Variants in NHSL1 observed in about 807,000 individuals in gnomAD.
The protein encoded by NHSL1 is NHS like 1.
NHSL1 carries 48 observed loss-of-function variants against 95.0 expected under a neutral mutation model. That is an observed-to-expected ratio of 0.51 (90% CI 0.40 to 0.64). The LOEUF (loss-of-function observed/expected upper bound fraction) is 0.64. NHSL1 is among the 30% of genes least tolerant of loss of function. The pLI is 0.00. For synonymous variants in NHSL1, 783 were observed against 833.9 expected, an observed-to-expected ratio of 0.94 and a Z score of 1.05; for missense variants, 1,971 against 2,077.7, an observed-to-expected ratio of 0.95 and a Z score of 1.00.
At chr6:138,504,018 G>A (rs1429071675), upstream of NHSL1, among the ~76,000 whole-genome samples, 1 of 151,944 alleles carries the variant, frequency 6.6e-6, no homozygotes, top group East Asian at 1.9e-4. Flanking sequence ...ACTGCTTGAG[G>A]CCAGGTGTTC....
At chr6:138,640,909 A>G (rs1163650171) in intron 1 of NHSL1, among the ~76,000 whole-genome samples, 1 of 152,182 alleles carries the variant, frequency 6.6e-6, no homozygotes, top group Non-Finnish European at 1.5e-5. Flanking sequence ...ACATACACAA[A>G]TTGTCAGCTT....
chr6:138,542,782 G>A (rs1361592434), intron 1 of NHSL1, among the ~76,000 whole-genome samples: 4 of 151,348 alleles, frequency 2.6e-5, no homozygotes, highest in South Asian at 2.1e-4. Context: ...CATTTTTTTC[G>A]AGACAGGGTC....
chr6:138,623,413 A>G (rs1784692575), intron 1 of NHSL1, among the ~76,000 whole-genome samples: 1 of 152,160 alleles, frequency 6.6e-6, no homozygotes, highest in South Asian at 2.1e-4. Flanking sequence ...TTAATTCATA[A>G]AAGTTATATA....
intron 2 of NHSL1, among the ~76,000 whole-genome samples, chr6:138,478,229 C>A (rs1779209377): frequency 6.6e-6 from 1 of 151,808 alleles, no homozygotes; most frequent in African/African-American, 2.4e-5. Context: ...GATCTGCCTG[C>A]CTTGGCCTCC....
upstream of NHSL1, chr6:138,499,503 C>G: frequency 9.2e-7 from 1 of 1,083,182 alleles, no homozygotes; most frequent in Non-Finnish European, 1.2e-6. Flanking sequence ...CTGAAAAACT[C>G]CTACTGAAAC....
At chr6:138,599,521 C>A (rs1004686784) in intron 1 of NHSL1, among the ~76,000 whole-genome samples, 4 of 151,806 alleles carry the variant, frequency 2.6e-5, no homozygotes, top group African/African-American at 9.7e-5. Context: ...CAAAAAAAAA[C>A]AGAAAGATTT....
At chr6:138,691,911 G>T (rs1785677930) in intron 1 of NHSL1, 1 of 456,544 alleles carries the variant, frequency 2.2e-6, no homozygotes, top group Non-Finnish European at 4.4e-6. Flanking sequence ...AGAAAATTCT[G>T]CGCCAAATGG....
At chr6:138,490,856 T>C (rs971810021) in intron 2 of NHSL1, among the ~76,000 whole-genome samples, 1 of 152,242 alleles carries the variant, frequency 6.6e-6, no homozygotes, top group Non-Finnish European at 1.5e-5. Context: ...ATGGTATCTA[T>C]CTCCTGACCT....
Position 138,569,840 on chromosome 6 carries a change from C to T in NHSL1, c.202+1870G>A, listed in dbSNP as rs191194653. Among the ~76,000 whole-genome samples, 108 of 152,012 alleles carry T rather than the reference C, an allele frequency of 7.1e-4. 1 individual carries two copies. The highest frequency in any genetic ancestry group is 1.1e-3 in the Non-Finnish European group (75 of 67,990). On this transcript the variant is annotated intron_variant, in intron 1 of 6. Coordinates refer to the NHSL1 transcript ENST00000427025. Reference sequence around the variant, plus strand: ...GCAGCTTTTTAAGGATTCTTTCTGACACCGTATGTCAAAAATCATATTATT... The same window carrying T: ...GCAGCTTTTTAAGGATTCTTTCTGATACCGTATGTCAAAAATCATATTATT...
intron 7 of NHSL1, among the ~76,000 whole-genome samples, chr6:138,426,261 G>A (rs557065289): frequency 6.6e-6 from 1 of 152,344 alleles, no homozygotes; most frequent in African/African-American, 2.4e-5. Context: ...TGTACACACA[G>A]ATTAAGAGTT....
chr6:138,526,008 G>A (rs6651005), intron 1 of NHSL1, among the ~76,000 whole-genome samples: 3 of 150,268 alleles, frequency 2.0e-5, no homozygotes, highest in Admixed American at 6.7e-5. Context: ...CATGAGAATC[G>A]CTTGAACCTG....
intron 1 of NHSL1, among the ~76,000 whole-genome samples, chr6:138,626,527 CCATGGTAAG>C (rs1178612498): frequency 6.6e-6 from 1 of 152,064 alleles, no homozygotes; most frequent in Non-Finnish European, 1.5e-5. Context: ...CTCTTCGAGC[CCATGGTAAG>C]TTCTACATTT....
intron 1 of NHSL1, among the ~76,000 whole-genome samples, chr6:138,566,173 G>A (rs538019628): frequency 4.7e-4 from 72 of 152,138 alleles, no homozygotes; most frequent in Non-Finnish European, 8.5e-4. Flanking sequence ...TGAGGTGGGC[G>A]GATCACCTGA....
intron 1 of NHSL1, among the ~76,000 whole-genome samples, chr6:138,665,209 T>C (rs1364931852): frequency 1.3e-5 from 2 of 152,176 alleles, no homozygotes; most frequent in Non-Finnish European, 2.9e-5. Flanking sequence ...TGCTGTGTCA[T>C]AATACAGATC....
Position 138,423,394 on chromosome 6 carries a change from A to G in NHSL1, c.*687T>C, listed in dbSNP as rs1775034976. On this transcript the variant is annotated 3_prime_UTR_variant, in exon 8 of 8. Transcript: ENST00000343505. Reference sequence around the variant, plus strand: ...GCTGCACAGCAGCAGGCACCAGGTTACAGCATTGCCACTTCTACGTTTGTC... The same window carrying G: ...GCTGCACAGCAGCAGGCACCAGGTTGCAGCATTGCCACTTCTACGTTTGTC... The G allele has an allele frequency of 6.6e-6, 1 of 152,228 alleles. No individual in the cohort carries two copies. The highest frequency in any genetic ancestry group is 1.5e-5 in the Non-Finnish European group (1 of 68,046). 9.4% of individuals were successfully genotyped at this position (152,228 alleles called of 1,614,324 possible).
chr6:138,590,715 A>G (rs145663578), intron 1 of NHSL1, among the ~76,000 whole-genome samples: 3 of 152,288 alleles, frequency 2.0e-5, no homozygotes, highest in Non-Finnish European at 4.4e-5. Flanking sequence ...GAGAATCGGC[A>G]TAGTACCAGG....
intron 3 of NHSL1, chr6:138,470,511 G>C (rs1372143794): frequency 6.6e-6 from 1 of 152,350 alleles, no homozygotes; most frequent in Non-Finnish European, 1.5e-5. Flanking sequence ...GGCTGGTCTT[G>C]AATTCCTGAG....
At chr6:138,585,636 GA>G (rs1339309428) in intron 1 of NHSL1, among the ~76,000 whole-genome samples, 10 of 145,264 alleles carry the variant, frequency 6.9e-5, no homozygotes, top group East Asian at 2.0e-4. Flanking sequence ...TTTTTCTAAG[GA>G]AAAAAAAAAG....
chr6:138,553,536 T>A (rs575661912), intron 1 of NHSL1, among the ~76,000 whole-genome samples: 1 of 152,248 alleles, frequency 6.6e-6, no homozygotes, highest in Non-Finnish European at 1.5e-5. Flanking sequence ...AGGTGATCCA[T>A]GTTTGTTGCA....
Sources: gnomAD v4.1 joint callset for allele counts (sites outside exome capture counted in the v4.1 genomes callset) on GRCh38, gnomAD v4.1.1 for gene constraint, MANE v1.5 for transcripts, NCBI Gene and HGNC (gene_info 2026-07-23, HGNC 2026-07-21) for gene names.